The following MEIOB variants were observed in gnomAD, a reference collection of about 807,000 sequenced individuals.
The protein encoded by MEIOB is meiosis specific with OB-fold.
A neutral mutation model predicts 53.1 loss-of-function variants in MEIOB; 50 were observed. The observed-to-expected ratio is 0.94, with a 90% confidence interval of 0.75 to 1.19. The LOEUF (loss-of-function observed/expected upper bound fraction) is 1.19, where lower values mean the gene tolerates loss of function less well. Among genes scored for constraint, MEIOB ranks in the 50% most tolerant of loss-of-function variants. The pLI is 0.00. For missense variants in MEIOB, 551 were observed against 550.8 expected (o/e 1.00, Z 0.00); for synonymous variants, 192 against 182.5 (o/e 1.05, Z -0.42).
chr16:1,834,419 G>C, intron 13 of MEIOB, 53 bp from the exon 14 acceptor site: 1 of 941,452 alleles, frequency 1.1e-6, no homozygotes, highest in South Asian at 1.4e-5. Flanking sequence ...AAATCCCCTT[G>C]TATATCAAGT....
chr16:1,836,056 C>T (rs977259217), intron 13 of MEIOB, among the ~76,000 whole-genome samples: 1 of 152,064 alleles, frequency 6.6e-6, no homozygotes, highest in African/African-American at 2.4e-5. Flanking sequence ...GATGGGGTTT[C>T]ACCATCTTGG....
chr16:1,840,987 T>C (rs1208239037), intron 11 of MEIOB: 1 of 151,502 alleles, frequency 6.6e-6, no homozygotes, highest in African/African-American at 2.4e-5. Context: ...GTATTAAATC[T>C]ACTGGAGTTT....
At chr16:1,870,430 C>G (rs450310) in intron 1 of MEIOB, among the ~76,000 whole-genome samples, 125,532 of 152,082 alleles carry the variant, frequency 0.83, 51,928 homozygotes, top group Middle Eastern at 0.9. Flanking sequence ...CCCACCCGCT[C>G]CAGTTCAAGG....
chr16:1,866,040 TAAC>T (rs1347847520), intron 2 of MEIOB, among the ~76,000 whole-genome samples: 4 of 152,214 alleles, frequency 2.6e-5, no homozygotes, highest in Non-Finnish European at 5.9e-5. Flanking sequence ...ATCCAAAAGT[TAAC>T]TACTATTACA....
chr16:1,850,810 A>T (rs1478494698), intron 9 of MEIOB, among the ~76,000 whole-genome samples: 1 of 150,354 alleles, frequency 6.7e-6, no homozygotes, highest in Non-Finnish European at 1.5e-5. Context: ...AGTCCCAGCT[A>T]CTCGGGAGGC....
intron 10 of MEIOB, among the ~76,000 whole-genome samples, chr16:1,844,610 T>C (rs922831822): frequency 3.3e-5 from 5 of 151,462 alleles, no homozygotes; most frequent in Non-Finnish European, 7.4e-5. Flanking sequence ...TACAGGCACA[T>C]CCCATGATAC....
At chr16:1,839,068 T>A (rs1490857898) in intron 12 of MEIOB, among the ~76,000 whole-genome samples, 187 bp downstream of exon 12, 3 of 152,232 alleles carry the variant, frequency 2.0e-5, no homozygotes, top group Non-Finnish European at 4.4e-5. Flanking sequence ...TTAGCTAGGA[T>A]TTTGATATAA....
chr16:1,837,272 C>T (rs58359138), intron 13 of MEIOB, among the ~76,000 whole-genome samples: 26,833 of 151,468 alleles, frequency 0.18, 2,504 homozygotes, highest in South Asian at 0.27. Context: ...TCTGTCTCCC[C>T]GCAACAACCC....
rs557040620 is a variant in MEIOB, at chr16:1,845,054, G to C, written c.779-91C>G. 1.4e-3 allele frequency: 847 copies of C among 623,474 alleles called. 17 individuals carry two copies. Among genetic ancestry groups the C allele is most frequent in the Middle Eastern group, 3.5e-3 (8 of 2,308 alleles). The allele number at this position is 623,474 out of a possible 1,614,324, so 38.6% of individuals were successfully genotyped here. On this transcript the variant is annotated intron_variant, in intron 9 of 13. Coordinates refer to ENST00000325962, the MANE Select transcript of MEIOB (RefSeq NM_001163560.3). ...TCCAAAATCATTTTAATAGTAAAAA[G>C]TGAAGACATGTAAGAATACAATCAA...
chr16:1,864,835 T>C (rs1899544538), intron 3 of MEIOB, among the ~76,000 whole-genome samples: 2 of 152,314 alleles, frequency 1.3e-5, no homozygotes, highest in Middle Eastern at 3.4e-3. Flanking sequence ...TTTTAATAAC[T>C]ACTTTTTTCT....
rs374508007 is a variant in MEIOB, at chr16:1,862,193, GAA to G, written c.128-79_128-78del. ...CTCTGCCTTTTGATAAGTGTTACATGAAAAGTTTCATTTCAATTATAAACAAA... is the reference window on the plus strand; with the variant it reads ...CTCTGCCTTTTGATAAGTGTTACATGAAGTTTCATTTCAATTATAAACAAA... On this transcript the variant is annotated intron_variant, in intron 3 of 13. Coordinates refer to ENST00000325962, the MANE Select transcript of MEIOB (RefSeq NM_001163560.3). 4.9e-5 allele frequency: 58 copies of G among 1,186,102 alleles called. No individual in the cohort carries two copies. In the African/African-American group the frequency reaches 7.9e-4, roughly 16 times the overall value. The allele number at this position is 1,186,102 out of a possible 1,614,324, so 73.5% of individuals were successfully genotyped here.
rs943407879 is a variant in MEIOB at position 1,862,065 on chromosome 16, G to A, written c.179C>T (p.Ala60Val). Residue 60 changes from alanine to valine, a missense_variant, in exon 4 of 14, where the codon GCA becomes GTA. Ala to Val is a moderately conservative substitution (Grantham distance 64, BLOSUM62 0). Transcript: ENST00000325962. Reference sequence around the variant, plus strand: ...CCAGGAAGCTGCATTTACAAAATGTGCTGGTGAATCCCGAATGGTGAAGCT... The same window carrying A: ...CCAGGAAGCTGCATTTACAAAATGTACTGGTGAATCCCGAATGGTGAAGCT... ...TFSFTIRDSP[A>V]HFVNAASWGN... is the part of the protein sequence containing the mutation. The A allele has an allele frequency of 6.4e-7, 1 of 1,551,232 alleles. No homozygotes were observed. Among genetic ancestry groups the A allele is most frequent in the Non-Finnish European group, 8.7e-7 (1 of 1,146,588 alleles).
Position 1,860,454 on chromosome 16 carries a change from A to G in MEIOB, c.281T>C (p.Ile94Thr). ...TTCTCTTTCTATTTCCTTTCTTTGG[A>G]TCAGAGGATTTTCAATTATCACTAA... The part of the protein sequence containing the change: ...GDCVIIENPL[I>T]QRKEIEREEK... The change falls in exon 5 of 14, where the codon ATC becomes ACC. Residue 94 changes from isoleucine (I) to threonine (T), a missense_variant. Coordinates refer to ENST00000325962, the MANE Select transcript of MEIOB (RefSeq NM_001163560.3). 11 of 1,546,018 alleles carry G rather than the reference A, an allele frequency of 7.1e-6. No individual in the cohort carries two copies. Among genetic ancestry groups the G allele is most frequent in the Non-Finnish European group, 9.6e-6 (11 of 1,142,386 alleles).
chr16:1,852,024 A>G (rs899474010), intron 9 of MEIOB, among the ~76,000 whole-genome samples: 2 of 151,714 alleles, frequency 1.3e-5, no homozygotes, highest in Admixed American at 6.6e-5. Flanking sequence ...TTCAACAACC[A>G]CTCCAGGGGA....
At chr16:1,845,018 C>G in intron 9 of MEIOB, 55 bp from the exon 10 acceptor site, 4 of 777,564 alleles carry the variant, frequency 5.1e-6, no homozygotes, top group Middle Eastern at 3.4e-4. Context: ...ATTTAAATCA[C>G]ATTTAAATCA....
chr16:1,853,188 A>G (rs1899213992), intron 8 of MEIOB, 31 bp downstream of exon 8: 1 of 1,562,868 alleles, frequency 6.4e-7, no homozygotes, highest in Non-Finnish European at 8.7e-7. Context: ...ATAAATGACA[A>G]ATATTGGACA....
chr16:1,859,419 T>C (rs1567279777), intron 5 of MEIOB, among the ~76,000 whole-genome samples: 1 of 152,032 alleles, frequency 6.6e-6, no homozygotes, highest in Non-Finnish European at 1.5e-5. Context: ...CGTGTGCCTG[T>C]AATCACAGCT....
chr16:1,836,469 C>T (rs1898751370), intron 13 of MEIOB, among the ~76,000 whole-genome samples: 1 of 152,150 alleles, frequency 6.6e-6, no homozygotes, highest in African/African-American at 2.4e-5. Context: ...CGGTCAAGGA[C>T]CTAAGCATGC....
Position 1,853,220 on chromosome 16 carries a change from T to C in MEIOB, c.681A>G (p.Thr227=). The C allele has an allele frequency of 6.4e-7, 1 of 1,552,484 alleles. No homozygotes were observed. The highest frequency in any genetic ancestry group is 8.7e-7 in the Non-Finnish European group (1 of 1,146,012). ...GACACAATCATTGAATGATAATACC[T>C]GTTTCTCGTGGCATCCAGCTCTGTG... The part of the protein sequence containing the change: ...LLAQSWMPRE[T]VIFASDVRIN... The change falls in exon 8 of 14, where the codon ACA becomes ACG. Residue 227 remains threonine, a splice_region_variant and synonymous_variant. Transcript: ENST00000325962.
Sources: allele counts gnomAD v4.1 joint callset (sites outside exome capture counted in the v4.1 genomes callset), GRCh38; gene constraint gnomAD v4.1.1; transcripts MANE v1.5; gene names NCBI Gene and HGNC (gene_info 2026-07-23, HGNC 2026-07-21).